Variants in DOCK5 observed in about 807,000 individuals in gnomAD.
DOCK5 encodes the protein dedicator of cytokinesis protein 5.
In DOCK5, 142 loss-of-function variants were observed where a neutral mutation model predicts 251.8. The observed-to-expected ratio is 0.56, with a 90% CI of 0.49 to 0.65. DOCK5 has a LOEUF of 0.65. Among genes scored for constraint, DOCK5 ranks in the 30% least tolerant of loss-of-function variants. The pLI is 0.00. For missense variants in DOCK5, 2,111 were observed against 2,312.3 expected (o/e 0.91, Z 1.79); for synonymous variants, 842 against 835.5 (o/e 1.01, Z -0.13).
intron 1 of DOCK5, among the ~76,000 whole-genome samples, chr8:25,204,933 A>G (rs1801965314): frequency 6.6e-6 from 1 of 152,188 alleles, no homozygotes; most frequent in South Asian, 2.1e-4. Flanking sequence ...TTGAAGCCTC[A>G]GCCCCTAGTG....
intron 5 of DOCK5, among the ~76,000 whole-genome samples, chr8:25,288,188 C>G (rs1258577903): frequency 6.6e-6 from 1 of 152,030 alleles, no homozygotes; most frequent in Non-Finnish European, 1.5e-5. Context: ...GCCCGGCCAG[C>G]CCGTGCTCTT....
intron 1 of DOCK5, among the ~76,000 whole-genome samples, chr8:25,186,118 A>T (rs1246976216): frequency 6.6e-6 from 1 of 152,130 alleles, no homozygotes; most frequent in Non-Finnish European, 1.5e-5. Flanking sequence ...GGGGCTTTTC[A>T]ACTCTGTAGC....
At chr8:25,262,543 A>G (rs552589114) in intron 2 of DOCK5, among the ~76,000 whole-genome samples, 1 of 152,254 alleles carries the variant, frequency 6.6e-6, no homozygotes, top group East Asian at 1.9e-4. Flanking sequence ...ATTTTTTAAA[A>G]TGTTATCAGT....
chr8:25,269,954 G>A (rs183943321), intron 3 of DOCK5, among the ~76,000 whole-genome samples: 2 of 152,198 alleles, frequency 1.3e-5, no homozygotes, highest in East Asian at 1.9e-4. Context: ...CAAAGAGTAC[G>A]GGGCCCAGGA....
At chr8:25,274,234 G>A (rs918791124) in intron 3 of DOCK5, among the ~76,000 whole-genome samples, 9 of 152,132 alleles carry the variant, frequency 5.9e-5, no homozygotes, top group Admixed American at 2.6e-4. Context: ...ATATGCCTCC[G>A]GGCACTGGGA....
At chr8:25,190,565 T>C (rs1801554132) in intron 1 of DOCK5, among the ~76,000 whole-genome samples, 1 of 152,000 alleles carries the variant, frequency 6.6e-6, no homozygotes, top group South Asian at 2.1e-4. Context: ...TGTCAGAAAA[T>C]AGAGATGTAA....
At chr8:25,346,011 G>A (rs1449172561) in intron 26 of DOCK5, among the ~76,000 whole-genome samples, 9 of 152,080 alleles carry the variant, frequency 5.9e-5, no homozygotes, top group African/African-American at 9.7e-5. Flanking sequence ...CACCACGCCC[G>A]GCTAATTTTT....
chr8:25,237,002 A>C (rs1802818451), intron 1 of DOCK5, among the ~76,000 whole-genome samples: 1 of 152,168 alleles, frequency 6.6e-6, no homozygotes, highest in African/African-American at 2.4e-5. Flanking sequence ...TGACTAATAA[A>C]AAATATAATG....
intron 14 of DOCK5, among the ~76,000 whole-genome samples, chr8:25,317,825 A>T (rs1468640505): frequency 6.6e-6 from 1 of 151,706 alleles, no homozygotes; most frequent in Non-Finnish European, 1.5e-5. Flanking sequence ...GTTAGCCAGG[A>T]TGGTCTCGAT....
At chr8:25,301,375 A>G (rs894309686) in intron 9 of DOCK5, among the ~76,000 whole-genome samples, 7 of 152,160 alleles carry the variant, frequency 4.6e-5, no homozygotes, top group African/African-American at 1.7e-4. Context: ...ATTGATGTAT[A>G]TCTTGGAGAC....
intron 13 of DOCK5, among the ~76,000 whole-genome samples, chr8:25,313,898 T>A (rs1563198540): frequency 6.6e-6 from 1 of 152,128 alleles, no homozygotes; most frequent in Non-Finnish European, 1.5e-5. Context: ...TTACTAGGGG[T>A]TGTGGCTTCA....
chr8:25,246,167 T>G (rs1803100790), intron 2 of DOCK5, among the ~76,000 whole-genome samples: 1 of 152,256 alleles, frequency 6.6e-6, no homozygotes, highest in African/African-American at 2.4e-5. Flanking sequence ...GCCAACTCAC[T>G]GGCAAGTCCC....
At chr8:25,404,294 T>C (rs1801487982) in intron 48 of DOCK5, among the ~76,000 whole-genome samples, 1 of 152,324 alleles carries the variant, frequency 6.6e-6, no homozygotes, top group Non-Finnish European at 1.5e-5. Flanking sequence ...TTGAAACTCT[T>C]TCCATTTCAG....
intron 40 of DOCK5, among the ~76,000 whole-genome samples, chr8:25,383,560 A>T (rs368002085): frequency 1.3e-5 from 2 of 152,184 alleles, no homozygotes; most frequent in South Asian, 4.1e-4. Context: ...ATGAATGTAA[A>T]ATTTAATCTG....
chr8:25,325,662 T>C lies in DOCK5; in HGVS notation c.1903+115T>C, dbSNP rs1300433528. The stretch of plus-strand genomic sequence containing the variant: ...GGCTGGGTCTTATTAGGTAGGATGT[T>C]GGCCAATTGGATTCTGCTCTCTGCT... On this transcript the variant is annotated intron_variant, in intron 18 of 51. Transcript: ENST00000276440. The C allele has an allele frequency of 2.4e-6, 3 of 1,226,724 alleles. No individual in the cohort carries two copies. The African/African-American group carries it at 4.6e-5, about 19-fold the overall frequency. The allele number at this position is 1,226,724 out of a possible 1,614,324, so 76.0% of individuals were successfully genotyped here. A position where few individuals can be genotyped will look rare whatever the true frequency, so the allele number is the denominator to read the frequency against.
At chr8:25,350,362 C>A (rs1355177720) in intron 26 of DOCK5, among the ~76,000 whole-genome samples, 1 of 97,520 alleles carries the variant, frequency 1.0e-5, no homozygotes, top group Non-Finnish European at 2.1e-5. Flanking sequence ...GTGGGTAAGT[C>A]GGAGCCAAAT....
chr8:25,390,409 C>T (rs1166704122), intron 42 of DOCK5, 122 bp downstream of exon 42: 10 of 806,586 alleles, frequency 1.2e-5, no homozygotes, highest in Non-Finnish European at 1.9e-5. Context: ...GAATTTGAGA[C>T]CAGCCTGGGC....
At chr8:25,202,503 G>A (rs950946592) in intron 1 of DOCK5, among the ~76,000 whole-genome samples, 2 of 152,154 alleles carry the variant, frequency 1.3e-5, no homozygotes, top group African/African-American at 2.4e-5. Flanking sequence ...GCCACCTTGC[G>A]TGTGAATCCC....
chr8:25,189,358 G>A (rs1048255712), intron 1 of DOCK5, among the ~76,000 whole-genome samples: 1 of 152,014 alleles, frequency 6.6e-6, no homozygotes, highest in East Asian at 1.9e-4. Flanking sequence ...GAGCCTGGCT[G>A]ATTTTTTTTT....
Sources: gnomAD v4.1 joint callset for allele counts (sites outside exome capture counted in the v4.1 genomes callset) on GRCh38, gnomAD v4.1.1 for gene constraint, MANE v1.5 for transcripts, NCBI Gene and HGNC (gene_info 2026-07-23, HGNC 2026-07-21) for gene names.